The following TMEM117 variants were observed in gnomAD, a reference collection of about 807,000 sequenced individuals.
TMEM117 encodes the protein transmembrane protein 117.
In TMEM117, 27 loss-of-function variants were observed where a neutral mutation model predicts 52.4. The observed-to-expected ratio is 0.51, with a 90% CI of 0.38 to 0.71. The LOEUF is 0.71. TMEM117 is among the 30% of genes least tolerant of loss of function. The pLI is 0.00. For synonymous variants in TMEM117, 215 were observed against 206.3 expected (o/e 1.04, Z -0.36); for missense variants, 556 against 630.5 (o/e 0.88, Z 1.26).
At chr12:44,217,315 G>A (rs1949731105) in intron 5 of TMEM117, among the ~76,000 whole-genome samples, 1 of 152,048 alleles carries the variant, frequency 6.6e-6, no homozygotes, top group Admixed American at 6.6e-5. Context: ...GAGAGTGCAG[G>A]TGAGGGTTCA....
chr12:44,343,248 C>T (rs1269564844), intron 6 of TMEM117, among the ~76,000 whole-genome samples: 2 of 151,970 alleles, frequency 1.3e-5, no homozygotes, highest in Admixed American at 6.6e-5. Flanking sequence ...CCACCACACC[C>T]GGCCGGAAAA....
At chr12:44,198,124 G>A (rs114648333) in intron 4 of TMEM117, among the ~76,000 whole-genome samples, 1 of 152,172 alleles carries the variant, frequency 6.6e-6, no homozygotes, top group African/African-American at 2.4e-5. Context: ...ATCCTTTCTG[G>A]TTAGCCTTTG....
chr12:44,008,206 T>G (rs772493933), intron 3 of TMEM117, among the ~76,000 whole-genome samples: 3 of 152,064 alleles, frequency 2.0e-5, no homozygotes, highest in Non-Finnish European at 2.9e-5. Context: ...AACTTAGTAA[T>G]TCTCTGTGAG....
rs531386720 is a variant in TMEM117 at position 44,334,554 on chromosome 12, A to G, written c.768+34815A>G. 3.3e-5 allele frequency among the ~76,000 whole-genome samples: 5 copies of G among 152,084 alleles called. 1 individual carries two copies. The highest frequency in any genetic ancestry group is 3.3e-4 in the Admixed American group (5 of 15,250). On this transcript the variant is annotated intron_variant, in intron 6 of 7. Transcript: ENST00000266534. The stretch of plus-strand genomic sequence containing the variant: ...GGTTGGTGCACATTTCACCTGCATG[A>G]TTCTTATTCTTTCTGAGATTTTTAG...
intron 3 of TMEM117, among the ~76,000 whole-genome samples, chr12:44,090,153 A>G (rs1003817507): frequency 6.6e-6 from 1 of 152,148 alleles, no homozygotes; most frequent in Admixed American, 6.5e-5. Flanking sequence ...GATATTTGTG[A>G]TTGATTTAAC....
chr12:44,045,822 G>A (rs1946873031), intron 3 of TMEM117, among the ~76,000 whole-genome samples: 1 of 152,100 alleles, frequency 6.6e-6, no homozygotes, highest in South Asian at 2.1e-4. Flanking sequence ...CAGCCTGGGC[G>A]ACCGTGCGAG....
At chr12:43,990,863 A>C (rs1359652018) in intron 3 of TMEM117, among the ~76,000 whole-genome samples, 1 of 152,228 alleles carries the variant, frequency 6.6e-6, no homozygotes. Context: ...TTTCCTTGGA[A>C]TATATCCCTA....
At chr12:44,215,329 T>C (rs1380765377) in intron 5 of TMEM117, among the ~76,000 whole-genome samples, 1 of 152,232 alleles carries the variant, frequency 6.6e-6, no homozygotes, top group Non-Finnish European at 1.5e-5. Context: ...TTCCTATTTC[T>C]TTCTGCAGTT....
intron 4 of TMEM117, among the ~76,000 whole-genome samples, chr12:44,210,853 C>A (rs1949636033): frequency 1.3e-5 from 2 of 151,918 alleles, no homozygotes; most frequent in South Asian, 4.1e-4. Context: ...AGTACTTTAC[C>A]ACACATATAG....
At chr12:43,852,038 T>C (rs188673831) in intron 2 of TMEM117, among the ~76,000 whole-genome samples, 73 of 150,550 alleles carry the variant, frequency 4.8e-4, no homozygotes, top group South Asian at 1.3e-3. Context: ...GTGGCTCACG[T>C]CTGTAATCCC....
chr12:44,289,844 G>C lies in TMEM117; in HGVS notation c.609-9736G>C, dbSNP rs1950683402. Among the ~76,000 whole-genome samples, 6 of 151,818 alleles carry C rather than the reference G, an allele frequency of 4.0e-5. No individual in the cohort carries two copies. In the South Asian group the frequency reaches 1.2e-3, roughly 32 times the overall value. ...ATTACAGCCACTGCACTGAGTCTAG[G>C]GATCCCTTTTCTTAACACCATCACC... On this transcript the variant is annotated intron_variant, in intron 5 of 7. Transcript: ENST00000266534.
At chr12:44,027,670 C>T (rs1266843138) in intron 3 of TMEM117, among the ~76,000 whole-genome samples, 3 of 152,072 alleles carry the variant, frequency 2.0e-5, no homozygotes, top group African/African-American at 4.8e-5. Flanking sequence ...CAGATGGTCA[C>T]GTTTAAATCA....
intron 3 of TMEM117, among the ~76,000 whole-genome samples, chr12:44,119,945 G>A (rs1451104180): frequency 1.3e-5 from 2 of 152,114 alleles, no homozygotes; most frequent in Non-Finnish European, 2.9e-5. Flanking sequence ...CAGGAGTCTA[G>A]GAAGTAGTAT....
intron 5 of TMEM117, among the ~76,000 whole-genome samples, chr12:44,230,271 G>C (rs1254146109): frequency 1.3e-5 from 2 of 152,068 alleles, no homozygotes; most frequent in Non-Finnish European, 2.9e-5. Flanking sequence ...GCTTTTGAAT[G>C]GTGATCAAAT....
the TMEM117 span, among the ~76,000 whole-genome samples, chr12:43,815,566 G>A: frequency 3.3e-5 from 5 of 152,348 alleles, no homozygotes; most frequent in South Asian, 1.0e-3. Context: ...AACAGCAACA[G>A]CAGATCATGA....
chr12:44,332,734 C>CACACACACACACACACACAG (rs1274584310), intron 6 of TMEM117, among the ~76,000 whole-genome samples: 6 of 151,438 alleles, frequency 4.0e-5, no homozygotes, highest in Admixed American at 3.3e-4. Flanking sequence ...CACACACACA[C>CACACACACACACACACACAG]ACACACACAC....
intron 3 of TMEM117, among the ~76,000 whole-genome samples, chr12:44,053,688 T>C (rs1947009926): frequency 1.3e-5 from 2 of 151,988 alleles, no homozygotes; most frequent in Admixed American, 1.3e-4. Context: ...TCCAAAGGGG[T>C]TTGTATGAAT....
intron 6 of TMEM117, among the ~76,000 whole-genome samples, chr12:44,303,910 G>A (rs191130413): frequency 2.6e-5 from 4 of 152,294 alleles, no homozygotes; most frequent in East Asian, 3.9e-4. Flanking sequence ...GTTAAAATAT[G>A]TTTGTAAACA....
intron 2 of TMEM117, among the ~76,000 whole-genome samples, chr12:43,940,355 G>C (rs1945024359): frequency 6.6e-6 from 1 of 152,128 alleles, no homozygotes; most frequent in Non-Finnish European, 1.5e-5. Flanking sequence ...CACTCCTAAA[G>C]AAAAGGGACC....
Sources: allele counts gnomAD v4.1 joint callset (sites outside exome capture counted in the v4.1 genomes callset), GRCh38; gene constraint gnomAD v4.1.1; transcripts MANE v1.5; gene names NCBI Gene and HGNC (gene_info 2026-07-23, HGNC 2026-07-21).